Variants in EPHA3 observed in about 807,000 individuals in gnomAD.
EPHA3 encodes the protein EPH receptor A3.
A neutral mutation model predicts 107.1 loss-of-function variants in EPHA3; 42 were observed. That is an observed-to-expected ratio of 0.39 (90% CI 0.31 to 0.51). The LOEUF (loss-of-function observed/expected upper bound fraction) is 0.51, where lower values mean the gene tolerates loss of function less well. Ranked by LOEUF, EPHA3 falls within the 20% of genes least tolerant of loss-of-function variation. EPHA3 has a pLI of 0.78. For missense variants in EPHA3, 1,183 were observed against 1,211.2 expected (o/e 0.98, Z 0.35); for synonymous variants, 461 against 424.8 (o/e 1.09, Z -1.05).
In EPHA3 at chr3:89,466,625, C is replaced by G. The variant is rs1195739395; in HGVS notation, c.2691-5839C>G. Reference sequence around the variant, plus strand: ...GCGTCCGTCACCCCTTTCTTTGACTCGGAAAGGGAACTCCCTGACCCCTTG... The same window carrying G: ...GCGTCCGTCACCCCTTTCTTTGACTGGGAAAGGGAACTCCCTGACCCCTTG... On this transcript the variant is annotated intron_variant, in intron 15 of 16. Coordinates refer to ENST00000336596, the MANE Select transcript of EPHA3 (RefSeq NM_005233.6). Among the ~76,000 whole-genome samples the G allele has an allele frequency of 3.1e-5, 4 of 127,694 alleles. 1 individual carries two copies. Among genetic ancestry groups the G allele is most frequent in the Non-Finnish European group, 3.4e-5 (2 of 58,812 alleles). 83.8% of individuals were successfully genotyped at this position (127,694 alleles called of 152,430 possible).
At chr3:89,320,103 A>G (rs1436868827) in intron 3 of EPHA3, among the ~76,000 whole-genome samples, 1 of 152,034 alleles carries the variant, frequency 6.6e-6, no homozygotes, top group Non-Finnish European at 1.5e-5. Context: ...AGAATGACTT[A>G]TTCTTTAGTC....
At chr3:89,436,619 A>C (rs1349738482) in intron 13 of EPHA3, among the ~76,000 whole-genome samples, 1 of 152,234 alleles carries the variant, frequency 6.6e-6, no homozygotes, top group Non-Finnish European at 1.5e-5. Context: ...AGTGACAGGC[A>C]GAATAGAGGA....
chr3:89,378,934 T>C (rs1708451010), intron 5 of EPHA3, among the ~76,000 whole-genome samples: 1 of 152,174 alleles, frequency 6.6e-6, no homozygotes, highest in Non-Finnish European at 1.5e-5. Context: ...AAAATAAGTA[T>C]TGATGCAATT....
At chr3:89,121,245 A>AATAC (rs889827030) in intron 1 of EPHA3, among the ~76,000 whole-genome samples, 1 of 151,954 alleles carries the variant, frequency 6.6e-6, no homozygotes, top group African/African-American at 2.4e-5. Flanking sequence ...CAAAAAAATA[A>AATAC]ATAAATAAAT....
At chr3:89,253,671 C>T (rs1333810729) in intron 3 of EPHA3, among the ~76,000 whole-genome samples, 2 of 152,072 alleles carry the variant, frequency 1.3e-5, no homozygotes, top group Non-Finnish European at 2.9e-5. Context: ...ATTTTATTAA[C>T]TGTCATCTTC....
At chr3:89,211,691 TC>T (rs1704088802) in intron 3 of EPHA3, among the ~76,000 whole-genome samples, 1 of 148,876 alleles carries the variant, frequency 6.7e-6, no homozygotes, top group Non-Finnish European at 1.5e-5. Context: ...CTCTCTCTCC[TC>T]CCCCTCCCCC....
At chr3:89,368,799 C>T (rs1708233057) in intron 5 of EPHA3, among the ~76,000 whole-genome samples, 1 of 150,238 alleles carries the variant, frequency 6.7e-6, no homozygotes, top group African/African-American at 2.4e-5. Flanking sequence ...GAAACACCCC[C>T]ATAGATTCAC....
intron 3 of EPHA3, among the ~76,000 whole-genome samples, chr3:89,249,961 G>A (rs1425840727): frequency 1.3e-5 from 2 of 152,066 alleles, no homozygotes; most frequent in Non-Finnish European, 2.9e-5. Flanking sequence ...ATATATTATG[G>A]AAAATGCCAG....
chr3:89,342,137 G>A (rs775501292), intron 5 of EPHA3, 47 bp downstream of exon 5: 3 of 1,506,580 alleles, frequency 2.0e-6, no homozygotes, highest in South Asian at 2.6e-5. Flanking sequence ...TCACGTCTGA[G>A]TAATGGTTTT....
intron 5 of EPHA3, among the ~76,000 whole-genome samples, chr3:89,378,850 G>C (rs533974573): frequency 1.4e-4 from 19 of 136,758 alleles, no homozygotes; most frequent in African/African-American, 4.1e-4. Flanking sequence ...AATTGTAAAG[G>C]CGTGTATAAA....
chr3:89,301,415 C>G (rs1289222950), intron 3 of EPHA3, among the ~76,000 whole-genome samples: 1 of 151,950 alleles, frequency 6.6e-6, no homozygotes, highest in African/African-American at 2.4e-5. Flanking sequence ...ATTTTGTGAG[C>G]TCACTCTGAG....
At chr3:89,314,347 T>A (rs928887811) in intron 3 of EPHA3, among the ~76,000 whole-genome samples, 4 of 151,970 alleles carry the variant, frequency 2.6e-5, no homozygotes, top group African/African-American at 9.7e-5. Flanking sequence ...TGTGACTAAC[T>A]TTTTTATATA....
chr3:89,110,240 A>C (rs1156970105), intron 1 of EPHA3, among the ~76,000 whole-genome samples: 1 of 151,984 alleles, frequency 6.6e-6, no homozygotes, highest in African/African-American at 2.4e-5. Context: ...AATTTACTGA[A>C]ACATATTTAC....
At chr3:89,218,578 A>G (rs1704274803) in intron 3 of EPHA3, among the ~76,000 whole-genome samples, 1 of 152,032 alleles carries the variant, frequency 6.6e-6, no homozygotes, top group Non-Finnish European at 1.5e-5. Flanking sequence ...GCTATTGTGA[A>G]TAGTGCCACA....
intron 2 of EPHA3, among the ~76,000 whole-genome samples, chr3:89,137,738 T>C (rs1258962307): frequency 1.3e-5 from 2 of 152,008 alleles, no homozygotes; most frequent in African/African-American, 4.8e-5. Flanking sequence ...GCATGTGACA[T>C]AAGAAGAAAA....
intron 1 of EPHA3, among the ~76,000 whole-genome samples, chr3:89,113,485 CAAAAAAAAAAAAAA>C (rs753848304): frequency 0.022 from 696 of 31,150 alleles, 11 homozygotes; most frequent in African/African-American, 0.064. Context: ...TTCCTTTGTA[CAAAAAAAAAAAAAA>C]AAAAAAAAAA....
chr3:89,192,510 T>G (rs573238923), intron 2 of EPHA3, among the ~76,000 whole-genome samples: 1 of 152,168 alleles, frequency 6.6e-6, no homozygotes, highest in African/African-American at 2.4e-5. Flanking sequence ...TATTCATATA[T>G]GTATACACAT....
intron 3 of EPHA3, among the ~76,000 whole-genome samples, chr3:89,311,652 A>G (rs1336886912): frequency 1.3e-5 from 2 of 152,060 alleles, no homozygotes; most frequent in African/African-American, 4.8e-5. Flanking sequence ...CAAGCCATCA[A>G]CTGTCTCTTA....
At chr3:89,202,403 C>T (rs1373455752) in intron 2 of EPHA3, among the ~76,000 whole-genome samples, 1 of 150,650 alleles carries the variant, frequency 6.6e-6, no homozygotes, top group Non-Finnish European at 1.5e-5. Flanking sequence ...GTAATCCCAG[C>T]TACTCCGGTG....
Sources: gnomAD v4.1 joint callset for allele counts (sites outside exome capture counted in the v4.1 genomes callset) on GRCh38, gnomAD v4.1.1 for gene constraint, MANE v1.5 for transcripts, NCBI Gene and HGNC (gene_info 2026-07-23, HGNC 2026-07-21) for gene names.